The following TSGA10 variants were observed in gnomAD, a reference collection of about 807,000 sequenced individuals.
TSGA10 encodes the protein testis specific 10, also known as testis-specific gene 10 protein.
Under a neutral mutation model 96.6 loss-of-function variants are expected in TSGA10, and 43 were observed. The ratio of observed to expected loss-of-function variants is 0.44; its 90% confidence interval spans 0.35 to 0.57. TSGA10 has a LOEUF of 0.57. TSGA10 is among the 20% of genes least tolerant of loss of function. The probability of loss-of-function intolerance (pLI) is 0.01; values close to 1 mark genes in which losing one functional copy is unlikely to be tolerated. For missense variants in TSGA10, 703 were observed against 834.4 expected, an observed-to-expected ratio of 0.84 and a Z score of 1.94; for synonymous variants, 229 against 269.9, an observed-to-expected ratio of 0.85 and a Z score of 1.48.
At chr2:99,133,710 G>A (rs956977600) in intron 1 of TSGA10, among the ~76,000 whole-genome samples, 1 of 152,164 alleles carries the variant, frequency 6.6e-6, no homozygotes, top group South Asian at 2.1e-4. Flanking sequence ...GTATGTTTTT[G>A]CAGTGGCTGG....
rs977740101 is a variant in TSGA10, at chr2:99,018,727, T to C, written c.1818-87A>G. 5 of 1,139,062 alleles carry C rather than the reference T, an allele frequency of 4.4e-6. No homozygotes were observed. The African/African-American group carries it at 7.8e-5, about 18-fold the overall frequency. 70.6% of individuals were successfully genotyped at this position (1,139,062 alleles called of 1,614,324 possible). On this transcript the variant is annotated intron_variant, in intron 18 of 20. Transcript: ENST00000393483. ...GTACATGAAACCATATTGATAGTGG[T>C]TTCTCAGCTGGATCCAAATCACATT...
chr2:99,039,889 G>C (rs561119808), intron 16 of TSGA10, among the ~76,000 whole-genome samples: 1 of 152,090 alleles, frequency 6.6e-6, no homozygotes, highest in African/African-American at 2.4e-5. Flanking sequence ...CTAGCTAGCC[G>C]AATCCAACAG....
At position 99,140,881 on chromosome 2, in the gene TSGA10, A is replaced by G. The variant is rs569144456; in HGVS notation, c.-620-13705T>C. Among the ~76,000 whole-genome samples the G allele has an allele frequency of 4.6e-5, 7 of 152,150 alleles. No homozygotes were observed. In the East Asian group the frequency reaches 1.2e-3, roughly 25 times the overall value. On this transcript the variant is annotated intron_variant, in intron 1 of 20. Coordinates refer to ENST00000393483, the MANE Select transcript of TSGA10 (RefSeq NM_025244.4). ...GGGCTCAAACCTAACCTCCCAAGAA[A>G]CAGGGGCAACTCGTGCTGCCGAGCT...
chr2:99,154,135 T>C (rs1006088203), intron 1 of TSGA10, among the ~76,000 whole-genome samples: 59 of 152,196 alleles, frequency 3.9e-4, no homozygotes, highest in African/African-American at 1.3e-3. Context: ...TAAGGCTATC[T>C]TGGACCGCCC....
intron 16 of TSGA10, among the ~76,000 whole-genome samples, chr2:99,049,942 T>C (rs1180023423): frequency 2.0e-5 from 3 of 152,166 alleles, no homozygotes; most frequent in Admixed American, 6.5e-5. Context: ...TATAGCTGCA[T>C]CTCTTTTCCA....
At chr2:99,053,559 C>T (rs1049059345) in intron 16 of TSGA10, among the ~76,000 whole-genome samples, 3 of 152,026 alleles carry the variant, frequency 2.0e-5, no homozygotes, top group South Asian at 4.1e-4. Flanking sequence ...CCAACTTCAA[C>T]GTCCTTTCAT....
chr2:99,096,514 G>C (rs982681001), intron 10 of TSGA10, among the ~76,000 whole-genome samples: 1 of 152,148 alleles, frequency 6.6e-6, no homozygotes, highest in African/African-American at 2.4e-5. Context: ...TGCATATCTA[G>C]AATCTCTTTA....
chr2:99,096,522 T>C (rs549443227), intron 10 of TSGA10, among the ~76,000 whole-genome samples: 1 of 152,242 alleles, frequency 6.6e-6, no homozygotes, highest in Non-Finnish European at 1.5e-5. Context: ...TAGAATCTCT[T>C]TAATGGCAGC....
chr2:99,050,612 G>A (rs1399178736), intron 16 of TSGA10, among the ~76,000 whole-genome samples: 1 of 152,128 alleles, frequency 6.6e-6, no homozygotes, highest in African/African-American at 2.4e-5. Context: ...ACCTGAAGTA[G>A]ATTCTGGTAA....
intron 16 of TSGA10, among the ~76,000 whole-genome samples, chr2:99,056,581 G>A (rs1410563497): frequency 6.6e-6 from 1 of 151,940 alleles, no homozygotes; most frequent in Admixed American, 6.6e-5. Context: ...CCATAAAGAG[G>A]TAATTTTAAA....
rs182813603 is a variant in TSGA10 at position 99,092,961 on chromosome 2, A to G, written c.611+11006T>C. Among the ~76,000 whole-genome samples, 423 of 152,268 alleles carry G rather than the reference A, an allele frequency of 2.8e-3. 1 individual carries two copies. The highest frequency in any genetic ancestry group is 4.3e-3 in the Non-Finnish European group (289 of 67,986). On this transcript the variant is annotated intron_variant, in intron 10 of 20. Transcript: ENST00000393483. ...AAAGGACATAACAAAACATGAAACT[A>G]TAGACCAATATATCTGATGAATATA...
intron 14 of TSGA10, among the ~76,000 whole-genome samples, chr2:99,071,225 G>A (rs2085921406): frequency 6.6e-6 from 1 of 152,070 alleles, no homozygotes; most frequent in African/African-American, 2.4e-5. Context: ...TATTGGAAAT[G>A]AGAACTGCAG....
rs775004591 is a variant in TSGA10 at position 99,108,907 on chromosome 2, G to T, written c.136C>A (p.His46Asn). Residue 46 changes from histidine (H) to asparagine (N), a missense_variant, in exon 7 of 21, where the codon CAT becomes AAT. Coordinates refer to ENST00000393483, the MANE Select transcript of TSGA10 (RefSeq NM_025244.4). ...ACATTACCCTGAATTTCTGCCAAAT[G>T]GCGCTCATATTTTTCCAGCATGCAT... ...LKCMLEKYER[H>N]LAEIQGNVKV... is the part of the protein sequence containing the mutation. The T allele has an allele frequency of 8.1e-6, 13 of 1,607,208 alleles. No homozygotes were observed. In the Admixed American group the frequency reaches 1.9e-4, roughly 23 times the overall value.
At chr2:99,099,415 A>G (rs1451748991) in intron 10 of TSGA10, among the ~76,000 whole-genome samples, 1 of 152,278 alleles carries the variant, frequency 6.6e-6, no homozygotes, top group Non-Finnish European at 1.5e-5. Flanking sequence ...ATTAGTTAAC[A>G]TAGACCAACA....
intron 10 of TSGA10, chr2:99,101,966 C>A: frequency 2.4e-6 from 2 of 846,150 alleles, no homozygotes; most frequent in South Asian, 1.5e-5. Context: ...TCTGCTTTAC[C>A]ACACTGTTCT....
At chr2:99,112,556 T>C (rs2091903635) in intron 4 of TSGA10, among the ~76,000 whole-genome samples, 1 of 152,018 alleles carries the variant, frequency 6.6e-6, no homozygotes, top group Non-Finnish European at 1.5e-5. Flanking sequence ...CATTGAAAGG[T>C]GACCTTTGAC....
At chr2:99,000,835 C>T (rs1360605835) in intron 20 of TSGA10, among the ~76,000 whole-genome samples, 4 of 152,202 alleles carry the variant, frequency 2.6e-5, no homozygotes, top group Non-Finnish European at 4.4e-5. Flanking sequence ...CCATGCATGG[C>T]TCGGTGGGTC....
At chr2:99,082,443 C>T (rs1330784505) in intron 10 of TSGA10, among the ~76,000 whole-genome samples, 1 of 152,128 alleles carries the variant, frequency 6.6e-6, no homozygotes, top group Non-Finnish European at 1.5e-5. Flanking sequence ...GAATTTTGAG[C>T]GTTAGCCGTC....
At chr2:99,019,624 G>A (rs541585467) in intron 18 of TSGA10, among the ~76,000 whole-genome samples, 3 of 152,288 alleles carry the variant, frequency 2.0e-5, no homozygotes, top group Admixed American at 1.3e-4. Context: ...ACAGAGTGGA[G>A]GCTGGATGAA....
Sources: allele counts gnomAD v4.1 joint callset (sites outside exome capture counted in the v4.1 genomes callset), GRCh38; gene constraint gnomAD v4.1.1; transcripts MANE v1.5; gene names NCBI Gene and HGNC (gene_info 2026-07-23, HGNC 2026-07-21).